Variants in SEMA3D observed in about 807,000 individuals in gnomAD.
SEMA3D encodes the protein semaphorin 3D.
Under a neutral mutation model 100.1 loss-of-function variants are expected in SEMA3D, and 84 were observed. The observed-to-expected ratio is 0.84, with a 90% CI of 0.70 to 1.01. The LOEUF (loss-of-function observed/expected upper bound fraction) is 1.01, where lower values mean the gene tolerates loss of function less well. Among genes scored for constraint, SEMA3D ranks in the 50% least tolerant of loss-of-function variants. The probability of loss-of-function intolerance (pLI) is 0.00; values close to 1 mark genes in which losing one functional copy is unlikely to be tolerated. For missense variants in SEMA3D, 875 were observed against 934.1 expected (o/e 0.94, Z 0.82); for synonymous variants, 312 against 320.7 (o/e 0.97, Z 0.29).
chr7:85,142,052 A>G, intron 2 of SEMA3D: 2 of 984,906 alleles, frequency 2.0e-6, no homozygotes, highest in Non-Finnish European at 2.4e-6. Flanking sequence ...TAAGAGAAAA[A>G]AAAAAACCAA....
At position 85,036,993 on chromosome 7, in the gene SEMA3D, C is replaced by A; in HGVS notation, c.1087G>T (p.Ala363Ser). 1.9e-6 allele frequency: 3 copies of A among 1,613,240 alleles called. No individual in the cohort carries two copies. The highest frequency in any genetic ancestry group is 2.5e-6 in the Non-Finnish European group (3 of 1,179,536). ...CCATTAAAAACTGCTCTGATGTCAG[C>A]CATGCTATACACACAAACAGCAGAG... is the stretch of plus-strand genomic sequence containing the variant. ...KGSAVCVYSM[A>S]DIRAVFNGPY... Residue 363 changes from alanine to serine, a missense_variant, in exon 12 of 19, where the codon GCT (alanine) becomes TCT (serine). Physicochemically the swap from Ala to Ser is moderately conservative, Grantham distance 99 (BLOSUM62 1). Transcript: ENST00000284136.
rs916611841 is a variant in SEMA3D, at chr7:85,175,143, G to A, written c.-173+11535C>T. On this transcript the variant is annotated intron_variant, in intron 1 of 18. Coordinates refer to ENST00000284136, the MANE Select transcript of SEMA3D (RefSeq NM_001384900.1). ...AGTAGGGGAAAGTAGGCCTGAATGC[G>A]ATTGTGATTTTTAATAACTCGAGTG... Among the ~76,000 whole-genome samples, 6 of 152,252 alleles carry A rather than the reference G, an allele frequency of 3.9e-5. No homozygotes were observed. In the South Asian group the frequency reaches 1.0e-3, roughly 26 times the overall value.
intron 9 of SEMA3D, among the ~76,000 whole-genome samples, chr7:85,044,037 A>G (rs1790935706): frequency 6.6e-6 from 1 of 152,032 alleles, no homozygotes; most frequent in Non-Finnish European, 1.5e-5. Context: ...TTACTATTGA[A>G]GCCATCTTTT....
At chr7:85,053,178 G>A (rs1791214486) in intron 9 of SEMA3D, among the ~76,000 whole-genome samples, 1 of 151,926 alleles carries the variant, frequency 6.6e-6, no homozygotes, top group East Asian at 1.9e-4. Flanking sequence ...GAATATGCTG[G>A]TGGAACAAAT....
intron 4 of SEMA3D, among the ~76,000 whole-genome samples, chr7:85,095,192 A>C (rs74776184): frequency 0.015 from 2,223 of 152,106 alleles, 53 homozygotes; most frequent in African/African-American, 0.05. Context: ...TAAAGATAGT[A>C]AAAAGATATT....
chr7:85,235,083 G>A, the SEMA3D span, among the ~76,000 whole-genome samples: 1 of 152,132 alleles, frequency 6.6e-6, no homozygotes, highest in Non-Finnish European at 1.5e-5. Context: ...AACTGTCCTA[G>A]CACTGCTCAG....
rs1789808766 is a variant in SEMA3D, at chr7:85,006,784, T to TTGA, written c.1908+15_1908+17dup. The TTGA allele has an allele frequency of 6.4e-7, 1 of 1,563,404 alleles. No individual in the cohort carries two copies. The highest frequency in any genetic ancestry group is 1.4e-5 in the African/African-American group (1 of 73,254). ...CTATTTCCCTCAAAGTGAGTATTCTTTGATGACAACAGCTTACCTCCTCTC... is the reference window on the plus strand; with the variant it reads ...CTATTTCCCTCAAAGTGAGTATTCTTTGATGATGACAACAGCTTACCTCCTCTC... On this transcript the variant is annotated intron_variant, in intron 18 of 18. Transcript: ENST00000284136.
At chr7:85,143,072 T>C (rs1352570986) in intron 2 of SEMA3D, 3 of 927,100 alleles carry the variant, frequency 3.2e-6, no homozygotes, top group Non-Finnish European at 3.9e-6. Context: ...AAGACAAACT[T>C]ACAATTAGTT....
At chr7:85,178,436 T>C (rs1791301058) in intron 1 of SEMA3D, among the ~76,000 whole-genome samples, 1 of 152,006 alleles carries the variant, frequency 6.6e-6, no homozygotes, top group Non-Finnish European at 1.5e-5. Context: ...CAGGCTGAGG[T>C]GGTTTTAGAT....
At chr7:85,249,388 A>T in the SEMA3D span, among the ~76,000 whole-genome samples, 1 of 152,184 alleles carries the variant, frequency 6.6e-6, no homozygotes. Context: ...CATGCATGGG[A>T]TCCTGGAATA....
chr7:85,169,175 AGGC>A (rs1791017452), intron 1 of SEMA3D, among the ~76,000 whole-genome samples: 2 of 151,802 alleles, frequency 1.3e-5, no homozygotes, highest in Admixed American at 1.3e-4. Flanking sequence ...CAGTTTGTCA[AGGC>A]TTATACTCCA....
chr7:85,121,900 CA>C lies in SEMA3D; in HGVS notation c.-10del. On this transcript the variant is annotated 5_prime_UTR_variant, in exon 3 of 19. The change creates a new upstream start codon in the 5' untranslated region. Transcript: ENST00000284136. ...TCTTTATTAGCATTCATGATGAAAA[CA>C]ATGTTCTCTTTCAAATGGTGTTAAT... The C allele has an allele frequency of 1.3e-6, 2 of 1,508,972 alleles. No homozygotes were observed. The highest frequency in any genetic ancestry group is 1.8e-6 in the Non-Finnish European group (2 of 1,112,344). 93.5% of individuals were successfully genotyped at this position (1,508,972 alleles called of 1,614,324 possible). A position where few individuals can be genotyped will look rare whatever the true frequency, so the allele number is the denominator to read the frequency against.
chr7:85,065,283 T>C, intron 8 of SEMA3D, 141 bp downstream of exon 8: 1 of 731,024 alleles, frequency 1.4e-6, no homozygotes, highest in Non-Finnish European at 2.1e-6. Context: ...ATTTTCTTAG[T>C]GGGGAATTAT....
At chr7:85,225,069 T>C in the SEMA3D span, among the ~76,000 whole-genome samples, 25 of 6,776 alleles carry the variant, frequency 3.7e-3, no homozygotes, top group Non-Finnish European at 7.9e-3. Context: ...TATATATATA[T>C]ATATATATAT....
chr7:85,164,447 A>T (rs1438668527), intron 1 of SEMA3D, among the ~76,000 whole-genome samples: 1 of 152,138 alleles, frequency 6.6e-6, no homozygotes, highest in Admixed American at 6.6e-5. Context: ...AAATCTTTAA[A>T]AAATATTTTT....
In SEMA3D at chr7:85,171,798, T is replaced by C. The variant is rs567292812; in HGVS notation, c.-173+14880A>G. Among the ~76,000 whole-genome samples, 4 of 152,134 alleles carry C rather than the reference T, an allele frequency of 2.6e-5. No homozygotes were observed. The South Asian group carries it at 6.2e-4, about 24-fold the overall frequency. ...ATTACATAAGGAATGAGTGAATTTA[T>C]ATATAAAAAAGGAAAAATAAAACAA... is the stretch of plus-strand genomic sequence containing the variant. On this transcript the variant is annotated intron_variant, in intron 1 of 18. Transcript: ENST00000284136.
At chr7:85,021,625 A>C (rs1790259376) in intron 13 of SEMA3D, among the ~76,000 whole-genome samples, 1 of 151,748 alleles carries the variant, frequency 6.6e-6, no homozygotes, top group Non-Finnish European at 1.5e-5. Context: ...TATTCTAATA[A>C]AAAGTCTTGT....
chr7:85,244,238 C>T, the SEMA3D span, among the ~76,000 whole-genome samples: 1 of 152,156 alleles, frequency 6.6e-6, no homozygotes, highest in Non-Finnish European at 1.5e-5. Context: ...AGAAGCTGCA[C>T]TCACCTATAA....
At chr7:85,073,709 T>C (rs1791841649) in intron 5 of SEMA3D, among the ~76,000 whole-genome samples, 1 of 152,210 alleles carries the variant, frequency 6.6e-6, no homozygotes, top group African/African-American at 2.4e-5. Flanking sequence ...TCTACCTATG[T>C]ATTCAATTCT....
Sources: gnomAD v4.1 joint callset for allele counts (sites outside exome capture counted in the v4.1 genomes callset) on GRCh38, gnomAD v4.1.1 for gene constraint, MANE v1.5 for transcripts, NCBI Gene and HGNC (gene_info 2026-07-23, HGNC 2026-07-21) for gene names.